The following SRSF10 variants were observed in gnomAD, a reference collection of about 807,000 sequenced individuals.
SRSF10 encodes serine/arginine-rich splicing factor 10.
A neutral mutation model predicts 32.6 loss-of-function variants in SRSF10; 9 were observed. The observed-to-expected ratio is 0.28, with a 90% confidence interval of 0.17 to 0.48. SRSF10 has a LOEUF of 0.48. Among genes scored for constraint, SRSF10 ranks in the 20% least tolerant of loss-of-function variants. The probability of loss-of-function intolerance (pLI) is 0.99; values close to 1 mark genes in which losing one functional copy is unlikely to be tolerated. For synonymous variants in SRSF10, 105 were observed against 112.4 expected (o/e 0.93, Z 0.42); for missense variants, 201 against 331.8 (o/e 0.61, Z 3.06).
chr1:23,978,564 ATG>A (rs1642222060), intron 2 of SRSF10, 147 bp downstream of exon 2: 4 of 995,116 alleles, frequency 4.0e-6, no homozygotes, highest in Admixed American at 3.4e-5. Context: ...AACGAGAGCA[ATG>A]TGTGAGTCAG....
chr1:23,980,067 G>A, intron 1 of SRSF10, 124 bp downstream of exon 1: 2 of 1,108,860 alleles, frequency 1.8e-6, no homozygotes, highest in Non-Finnish European at 2.5e-6. Flanking sequence ...CGGCGCCAAA[G>A]CGGGCGCGGG....
At chr1:23,977,938 C>T (rs1642192875) in intron 2 of SRSF10, 5 of 984,816 alleles carry the variant, frequency 5.1e-6, no homozygotes, top group Non-Finnish European at 3.6e-6. Context: ...TAATCTTGGC[C>T]ATCATTCAAC....
intron 2 of SRSF10, chr1:23,976,692 C>G (rs1642112493): frequency 1.3e-5 from 2 of 152,168 alleles, no homozygotes; most frequent in Admixed American, 6.5e-5. Flanking sequence ...CAAGTTTCTA[C>G]TTTACTCGGT....
intron 3 of SRSF10, 51 bp from the exon 4 acceptor site, chr1:23,972,063 A>G: frequency 7.1e-7 from 1 of 1,408,234 alleles, no homozygotes; most frequent in African/African-American, 1.5e-5. Flanking sequence ...AACAGTATTA[A>G]AGCCCTCAAT....
At position 23,970,517 on chromosome 1, in the gene SRSF10, T is replaced by A; in HGVS notation, c.*625A>T. On this transcript the variant is annotated 3_prime_UTR_variant, in exon 6 of 6. Coordinates refer to ENST00000492112, the MANE Select transcript of SRSF10 (RefSeq NM_054016.4). ...CTGAGATTACAGGCATGTGCCACCA[T>A]GCCCGGATAATTTTTGTATTTTTAG... 1 of 499,882 alleles carries A rather than the reference T, an allele frequency of 2.0e-6. No individual in the cohort carries two copies. Among genetic ancestry groups the A allele is most frequent in the Non-Finnish European group, 2.6e-6 (1 of 387,114 alleles). 31.0% of individuals were successfully genotyped at this position (499,882 alleles called of 1,614,324 possible). A position where few individuals can be genotyped will look rare whatever the true frequency, so the allele number is the denominator to read the frequency against.
At position 23,974,241 on chromosome 1, in the gene SRSF10, A is replaced by C. The variant is rs1641947123; in HGVS notation, c.274+733T>G. Among the ~76,000 whole-genome samples, 3 of 152,154 alleles carry C rather than the reference A, an allele frequency of 2.0e-5. No homozygotes were observed. In the South Asian group the frequency reaches 6.2e-4, roughly 32 times the overall value. On this transcript the variant is annotated intron_variant, in intron 3 of 5. Transcript: ENST00000492112. ...CGGCCTCCCAAAGTGCTGGGATTACAGGTGTGAGCCACTGCACCCTGCGGT... is the reference window on the plus strand; with the variant it reads ...CGGCCTCCCAAAGTGCTGGGATTACCGGTGTGAGCCACTGCACCCTGCGGT...
In SRSF10 at chr1:23,968,489, G is replaced by A. The variant is rs1335201141; in HGVS notation, c.*2653C>T. Reference sequence around the variant, plus strand: ...CCTCAGTTTCCTTATCTGTGATATGGGGAAAATAAAAGTATCTTTCTCATA... The same window carrying A: ...CCTCAGTTTCCTTATCTGTGATATGAGGAAAATAAAAGTATCTTTCTCATA... On this transcript the variant is annotated 3_prime_UTR_variant, in exon 6 of 6. Transcript: ENST00000492112. Among the ~76,000 whole-genome samples the A allele has an allele frequency of 2.0e-5, 3 of 149,248 alleles. No homozygotes were observed. Among genetic ancestry groups the A allele is most frequent in the Admixed American group, 6.8e-5 (1 of 14,750 alleles).
intron 2 of SRSF10, chr1:23,976,239 G>C (rs1194846536): frequency 1.3e-5 from 2 of 152,178 alleles, no homozygotes; most frequent in Non-Finnish European, 2.9e-5. Flanking sequence ...TATCCCTGAA[G>C]TGACACACTC....
At chr1:23,975,722 A>G (rs1642047092) in intron 2 of SRSF10, 1 of 152,256 alleles carries the variant, frequency 6.6e-6, no homozygotes, top group African/African-American at 2.4e-5. Context: ...CAATCACTAT[A>G]CCAAAAGCGT....
chr1:23,978,976 G>GTT (rs1642244595), intron 1 of SRSF10, 159 bp from the exon 2 acceptor site: 1 of 412,966 alleles, frequency 2.4e-6, no homozygotes, highest in Non-Finnish European at 4.2e-6. Context: ...TATGGTACAA[G>GTT]GGAATGACCA....
At chr1:23,976,558 T>G (rs1043082989) in intron 2 of SRSF10, 1 of 152,208 alleles carries the variant, frequency 6.6e-6, no homozygotes, top group Non-Finnish European at 1.5e-5. Flanking sequence ...CACTACTTTG[T>G]TACCCCAAGA....
At position 23,978,617 on chromosome 1, in the gene SRSF10, G is replaced by A. The variant is rs1453306683; in HGVS notation, c.170+96C>T. 7 of 1,406,286 alleles carry A rather than the reference G, an allele frequency of 5.0e-6. No individual in the cohort carries two copies. The Admixed American group carries it at 7.5e-5, about 15-fold the overall frequency. The allele number at this position is 1,406,286 out of a possible 1,614,324, so 87.1% of individuals were successfully genotyped here. ...ATTTGAAGACAGACATTTATTAGAG[G>A]ACAAAAAGAACTACTTTTTAGATGT... On this transcript the variant is annotated intron_variant, in intron 2 of 5. Transcript: ENST00000492112.
chr1:23,978,220 G>C, intron 2 of SRSF10: 1 of 985,714 alleles, frequency 1.0e-6, no homozygotes. Flanking sequence ...CTACTCTAAA[G>C]GTTCTTTCAT....
Position 23,964,732 on chromosome 1 carries a change from T to A in SRSF10, c.*6410A>T, listed in dbSNP as rs1234143442. 1 of 151,902 alleles carries A rather than the reference T, an allele frequency of 6.6e-6. No homozygotes were observed. Among genetic ancestry groups the A allele is most frequent in the Non-Finnish European group, 1.5e-5 (1 of 67,880 alleles). The allele number at this position is 151,902 out of a possible 1,614,324, so 9.4% of individuals were successfully genotyped here. A position where few individuals can be genotyped will look rare whatever the true frequency, so the allele number is the denominator to read the frequency against. On this transcript the variant is annotated 3_prime_UTR_variant, in exon 6 of 6. Coordinates refer to ENST00000492112, the MANE Select transcript of SRSF10 (RefSeq NM_054016.4). ...GGACAGAGTGCATCTCTAAAACCTCTTACACAAATTAGGAAAAAGTTGTAC... is the reference window on the plus strand; with the variant it reads ...GGACAGAGTGCATCTCTAAAACCTCATACACAAATTAGGAAAAAGTTGTAC...
intron 1 of SRSF10, 63 bp from the exon 2 acceptor site, chr1:23,978,880 T>C: frequency 2.9e-6 from 4 of 1,389,056 alleles, no homozygotes; most frequent in Non-Finnish European, 3.9e-6. Flanking sequence ...ATAGGCAATA[T>C]ATCTTTTTGA....
chr1:23,972,923 G>A (rs1641860857), intron 3 of SRSF10, among the ~76,000 whole-genome samples: 1 of 152,002 alleles, frequency 6.6e-6, no homozygotes, highest in Non-Finnish European at 1.5e-5. Context: ...TATTTTTAGT[G>A]CAGACAGGGT....
Position 23,965,626 on chromosome 1 carries a change from A to G in SRSF10, c.*5516T>C, listed in dbSNP as rs939240014. The G allele has an allele frequency of 1.1e-4, 16 of 152,112 alleles. No homozygotes were observed. Among genetic ancestry groups the G allele is most frequent in the Non-Finnish European group, 1.9e-4 (13 of 67,844 alleles). The allele number at this position is 152,112 out of a possible 1,614,324, so 9.4% of individuals were successfully genotyped here. On this transcript the variant is annotated 3_prime_UTR_variant, in exon 6 of 6. Transcript: ENST00000492112. Reference sequence around the variant, plus strand: ...CATGGTTCGGCACAGTAAGTGCTCAATAATATTGACAGCATTCAGTATAGA... The same window carrying G: ...CATGGTTCGGCACAGTAAGTGCTCAGTAATATTGACAGCATTCAGTATAGA...
chr1:23,967,597 T>C lies in SRSF10; in HGVS notation c.*3545A>G. On this transcript the variant is annotated 3_prime_UTR_variant, in exon 6 of 6. Transcript: ENST00000492112. ...AGTCAAAATATTCGTACAGTATTCA[T>C]ACTGCAGCACCTTCCACCCACCCTT... 1.1e-6 allele frequency: 1 copy of C among 884,554 alleles called. No homozygotes were observed. The highest frequency in any genetic ancestry group is 1.9e-5 in the Admixed American group (1 of 54,028). 54.8% of individuals were successfully genotyped at this position (884,554 alleles called of 1,614,324 possible).
rs1051512065 is a variant in SRSF10 at position 23,969,056 on chromosome 1, T to G, written c.*2086A>C. The G allele has an allele frequency of 2.8e-5, 24 of 868,852 alleles. No individual in the cohort carries two copies. Among genetic ancestry groups the G allele is most frequent in the Non-Finnish European group, 2.9e-5 (21 of 723,168 alleles). 53.8% of individuals were successfully genotyped at this position (868,852 alleles called of 1,614,324 possible). A position where few individuals can be genotyped will look rare whatever the true frequency, so the allele number is the denominator to read the frequency against. On this transcript the variant is annotated 3_prime_UTR_variant, in exon 6 of 6. Transcript: ENST00000492112. Reference sequence around the variant, plus strand: ...GTTATTTTAGAATCATATTCAATACTGTAATAATTCCAGTTAATCATTATT... The same window carrying G: ...GTTATTTTAGAATCATATTCAATACGGTAATAATTCCAGTTAATCATTATT...
Sources: allele counts gnomAD v4.1 joint callset (sites outside exome capture counted in the v4.1 genomes callset), GRCh38; gene constraint gnomAD v4.1.1; transcripts MANE v1.5; gene names NCBI Gene and HGNC (gene_info 2026-07-23, HGNC 2026-07-21).